The following MAP1A variants were observed in gnomAD, a reference collection of about 807,000 sequenced individuals.
MAP1A encodes microtubule associated protein 1A, also known as microtubule-associated protein 1A.
MAP1A carries 42 observed loss-of-function variants against 185.9 expected under a neutral mutation model. That is an observed-to-expected ratio of 0.23 (90% CI 0.18 to 0.29). The LOEUF is 0.29. MAP1A is among the 10% of genes least tolerant of loss of function. MAP1A has a pLI of 1.00. For missense variants in MAP1A, 2,995 were observed against 3,450.4 expected (o/e 0.87, Z 3.31); for synonymous variants, 1,229 against 1,335.9 (o/e 0.92, Z 1.74).
chr15:43,520,669 G>C lies in MAP1A; in HGVS notation c.-346G>C. The C allele has an allele frequency of 2.6e-6, 4 of 1,549,964 alleles. No homozygotes were observed. The highest frequency in any genetic ancestry group is 3.5e-6 in the Non-Finnish European group (4 of 1,146,302). On this transcript the variant is annotated 5_prime_UTR_variant, in exon 2 of 6. Transcript: ENST00000300231. ...AGAGGACCCTTTGCCACCAGAGTGA[G>C]ATCCTAGAGACCATCATCCTGGTAA...
At position 43,521,066 on chromosome 15, in the gene MAP1A, G is replaced by T. The variant is rs1015730996; in HGVS notation, c.-197G>T. On this transcript the variant is annotated 5_prime_UTR_variant, in exon 3 of 6. Coordinates refer to ENST00000300231, the MANE Select transcript of MAP1A (RefSeq NM_002373.6). This position sits in a 1 kb window ranked among gnomAD's most constrained non-coding sequence, Gnocchi z 4.6. ...GGGGGAGACCTCATCCTACAGAGTG[G>T]CACCTACTCATATGAAAACTTTGCC... is the stretch of plus-strand genomic sequence containing the variant. 3 of 1,550,038 alleles carry T rather than the reference G, an allele frequency of 1.9e-6. No homozygotes were observed. Among genetic ancestry groups the T allele is most frequent in the Non-Finnish European group, 2.6e-6 (3 of 1,146,974 alleles).
intron 1 of MAP1A, among the ~76,000 whole-genome samples, chr15:43,511,828 C>T (rs899784149): frequency 6.6e-6 from 1 of 152,222 alleles, no homozygotes; most frequent in African/African-American, 2.4e-5. Flanking sequence ...TAGAATCCTA[C>T]TTAGCTGTAA....
Position 43,529,325 on chromosome 15 carries a change from C to A in MAP1A, c.7852C>A (p.Pro2618Thr), listed in dbSNP as rs1566979641. The change falls in exon 4 of 6, where the codon CCT becomes ACT. Residue 2618 changes from proline to threonine, a missense_variant. Coordinates refer to ENST00000300231, the MANE Select transcript of MAP1A (RefSeq NM_002373.6). This position sits in a 1 kb window ranked among gnomAD's most constrained non-coding sequence, Gnocchi z 4.3. ...RAPGKAKPAS[P>T]ARRLDLRGKR... ...CCCAGGCAAGGCCAAGCCAGCGTCCCCTGCACGGCGTCTGGATCTTCGGGG... is the reference window on the plus strand; with the variant it reads ...CCCAGGCAAGGCCAAGCCAGCGTCCACTGCACGGCGTCTGGATCTTCGGGG... 1 of 1,614,006 alleles carries A rather than the reference C, an allele frequency of 6.2e-7. No homozygotes were observed. Among genetic ancestry groups the A allele is most frequent in the Admixed American group, 1.7e-5 (1 of 60,024 alleles).
upstream of MAP1A, among the ~76,000 whole-genome samples, chr15:43,517,189 A>T (rs2079300613): frequency 6.6e-6 from 1 of 152,006 alleles, no homozygotes; most frequent in South Asian, 2.1e-4. Flanking sequence ...TTGGGCCCCC[A>T]GCCTTTGTCT....
rs776917674 is a variant in MAP1A, at chr15:43,528,267, C to T, written c.6794C>T (p.Thr2265Met). Residue 2265 changes from threonine to methionine, a missense_variant, in exon 4 of 6, where the codon ACG becomes ATG. Around this residue, in one of 3 missense-constraint regions of MAP1A, gnomAD observed 2,728 missense variants for 2,986.0 expected, o/e 0.91. Coordinates refer to ENST00000300231, the MANE Select transcript of MAP1A (RefSeq NM_002373.6). The part of the protein sequence containing the change: ...LSEGSSSEAT[T>M]PVISSVAERF... ...GAGGGCTCCTCCTCTGAGGCTACCA[C>T]GCCTGTGATTTCAAGTGTGGCGGAG... 1.6e-5 allele frequency: 26 copies of T among 1,613,964 alleles called. No individual in the cohort carries two copies. The highest frequency in any genetic ancestry group is 3.3e-5 in the South Asian group (3 of 91,090).
Position 43,528,846 on chromosome 15 carries a change from C to T in MAP1A, c.7373C>T (p.Pro2458Leu). ...LSPSFLNPPL[P>L]PSIDDRDLST... The stretch of plus-strand genomic sequence containing the variant: ...CCATCCTTCCTGAACCCACCTCTGC[C>T]CCCATCCATAGATGATAGGGACCTC... Residue 2458 changes from proline (P) to leucine (L), a missense_variant, in exon 4 of 6, where the codon CCC (proline) becomes CTC (leucine). Physicochemically the swap from Pro to Leu is moderately conservative, Grantham distance 98. Coordinates refer to ENST00000300231, the MANE Select transcript of MAP1A (RefSeq NM_002373.6). 1 of 1,613,490 alleles carries T rather than the reference C, an allele frequency of 6.2e-7. No homozygotes were observed. The highest frequency in any genetic ancestry group is 1.1e-5 in the South Asian group (1 of 91,060).
rs1212837776 is a variant in MAP1A, at chr15:43,524,833, A to G, written c.3360A>G (p.Gly1120=). 1.9e-6 allele frequency: 3 copies of G among 1,614,098 alleles called. No individual in the cohort carries two copies. In the South Asian group the frequency reaches 3.3e-5, roughly 18 times the overall value. The change falls in exon 4 of 6, where the codon GGA becomes GGG. Residue 1120 remains glycine (G), a synonymous_variant. Transcript: ENST00000300231. The stretch of plus-strand genomic sequence containing the variant: ...TTCTGGGAGCAGAAGCCCTTCCCGG[A>G]GGTTTGAGGACTTTACCCCAAGAAC... ...GPILGAEALP[G]GLRTLPQEPG...
intron 1 of MAP1A, among the ~76,000 whole-genome samples, chr15:43,518,783 A>G (rs1000634323): frequency 2.0e-5 from 3 of 150,802 alleles, no homozygotes; most frequent in Admixed American, 2.0e-4. Flanking sequence ...CTAAAGAAAA[A>G]GGAAAAAACG....
chr15:43,511,398 A>C (rs1433723200), intron 1 of MAP1A, among the ~76,000 whole-genome samples: 1 of 152,052 alleles, frequency 6.6e-6, no homozygotes, highest in Non-Finnish European at 1.5e-5. Flanking sequence ...CTCTCGCTCT[A>C]CTAACATCTC....
At chr15:43,512,941 G>T (rs1248844384), upstream of MAP1A, among the ~76,000 whole-genome samples, 1 of 152,196 alleles carries the variant, frequency 6.6e-6, no homozygotes, top group Non-Finnish European at 1.5e-5. Flanking sequence ...TGGGAGGAAT[G>T]GGTGGGTTAG....
rs1025934222 is a variant in MAP1A, at chr15:43,523,168, G to A, written c.1695G>A (p.Glu565=). 12 of 1,614,028 alleles carry A rather than the reference G, an allele frequency of 7.4e-6. No homozygotes were observed. Among genetic ancestry groups the A allele is most frequent in the Non-Finnish European group, 1.0e-5 (12 of 1,180,030 alleles). The change falls in exon 4 of 6, where the codon GAG becomes GAA. Residue 565 remains glutamate (E), a synonymous_variant. Transcript: ENST00000300231. Reference sequence around the variant, plus strand: ...AGCCATTCCCTCTAGACACTGCAGAGGAGGGACCCCCAAGTACAGCTATCC... The same window carrying A: ...AGCCATTCCCTCTAGACACTGCAGAAGAGGGACCCCCAAGTACAGCTATCC... ...GDKPFPLDTA[E]EGPPSTAIQG...
At position 43,526,625 on chromosome 15, in the gene MAP1A, C is replaced by T. The variant is rs752187007; in HGVS notation, c.5152C>T (p.Arg1718Cys). ...FPHELDGQGA[R>C]PHYTEEREST... ...TCACGAGCTGGATGGCCAGGGGGCC[C>T]GCCCACACTACACTGAGGAACGGGA... Residue 1718 changes from arginine (R) to cysteine (C), a missense_variant, in exon 4 of 6, where the codon CGC becomes TGC. Coordinates refer to ENST00000300231, the MANE Select transcript of MAP1A (RefSeq NM_002373.6). The surrounding 1 kb of genome is among the most constrained non-coding windows in gnomAD (Gnocchi z 4.7). 1.9e-6 allele frequency: 3 copies of T among 1,614,130 alleles called. No individual in the cohort carries two copies. The highest frequency in any genetic ancestry group is 1.1e-5 in the South Asian group (1 of 91,088).
At position 43,528,976 on chromosome 15, in the gene MAP1A, A is replaced by G; in HGVS notation, c.7503A>G (p.Thr2501=). The part of the protein sequence containing the change: ...PCPVTDETPP[T]SASDSGSSQS... ...CTGTGACTGATGAGACACCCCCTACATCAGCCAGTGACTCAGGCTCCTCAC... is the reference window on the plus strand; with the variant it reads ...CTGTGACTGATGAGACACCCCCTACGTCAGCCAGTGACTCAGGCTCCTCAC... The change falls in exon 4 of 6, where the codon ACA becomes ACG. Residue 2501 remains threonine (T), a synonymous_variant. Transcript: ENST00000300231. The G allele has an allele frequency of 1.2e-6, 2 of 1,613,468 alleles. No homozygotes were observed. Among genetic ancestry groups the G allele is most frequent in the Non-Finnish European group, 1.7e-6 (2 of 1,180,006 alleles).
In MAP1A at chr15:43,521,804, G is replaced by A. The variant is rs2079320246; in HGVS notation, c.331G>A (p.Glu111Lys). ...LLQRKVAELE[E>K]EQSQGSSSYS... is the part of the protein sequence containing the mutation. ...GCAGCGCAAAGTGGCAGAGCTAGAG[G>A]AGGAGCAGTCCCAGGGCTCTAGCAG... Residue 111 changes from glutamate (E) to lysine (K), a missense_variant, in exon 4 of 6, where the codon GAG (glutamate) becomes AAG (lysine). Coordinates refer to ENST00000300231, the MANE Select transcript of MAP1A (RefSeq NM_002373.6). This position sits in a 1 kb window ranked among gnomAD's most constrained non-coding sequence, Gnocchi z 4.6. 1 of 1,614,122 alleles carries A rather than the reference G, an allele frequency of 6.2e-7. No homozygotes were observed. The highest frequency in any genetic ancestry group is 1.3e-5 in the African/African-American group (1 of 74,934).
rs368070887 is a variant in MAP1A, at chr15:43,528,427, A to G, written c.6954A>G (p.Leu2318=). ...CCCCAGCTTCACTGGACTTGGCCCTAGCTCCAGCTCCAAGCCTGCCTGGAG... is the reference window on the plus strand; with the variant it reads ...CCCCAGCTTCACTGGACTTGGCCCTGGCTCCAGCTCCAAGCCTGCCTGGAG... ...PAPPASLDLA[L]APAPSLPGDM... Residue 2318 remains leucine, a synonymous_variant, in exon 4 of 6, where the codon CTA becomes CTG. Transcript: ENST00000300231. The G allele has an allele frequency of 5.0e-6, 8 of 1,613,444 alleles. No homozygotes were observed. The highest frequency in any genetic ancestry group is 1.7e-5 in the Admixed American group (1 of 60,010).
In MAP1A at chr15:43,527,219, A is replaced by G. The variant is rs2079348523; in HGVS notation, c.5746A>G (p.Arg1916Gly). ...GKDYRKAEGE[R>G]EEEGRAEAPD... The stretch of plus-strand genomic sequence containing the variant: ...GGACTACCGCAAGGCTGAAGGGGAA[A>G]GGGAAGAAGAAGGTAGGGCTGAGGC... The change falls in exon 4 of 6, where the codon AGG becomes GGG. Residue 1916 changes from arginine to glycine, a missense_variant. Coordinates refer to ENST00000300231, the MANE Select transcript of MAP1A (RefSeq NM_002373.6). 1 of 1,614,118 alleles carries G rather than the reference A, an allele frequency of 6.2e-7. No homozygotes were observed. Among genetic ancestry groups the G allele is most frequent in the East Asian group, 2.2e-5 (1 of 44,872 alleles).
In MAP1A at chr15:43,521,680, G is replaced by A. The variant is rs1431612399; in HGVS notation, c.207G>A (p.Lys69=). 8.7e-6 allele frequency: 14 copies of A among 1,614,162 alleles called. No individual in the cohort carries two copies. The highest frequency in any genetic ancestry group is 1.2e-5 in the Non-Finnish European group (14 of 1,180,026). The change falls in exon 4 of 6, where the codon AAG becomes AAA. Residue 69 remains lysine, a synonymous_variant. Transcript: ENST00000300231. The surrounding 1 kb of genome is among the most constrained non-coding windows in gnomAD (Gnocchi z 4.6). ...NILVDGGSDR[K]SCFWKLVRHL... Reference sequence around the variant, plus strand: ...TGGTGGATGGTGGCTCTGATCGCAAGTCCTGTTTTTGGAAGCTGGTACGGC... The same window carrying A: ...TGGTGGATGGTGGCTCTGATCGCAAATCCTGTTTTTGGAAGCTGGTACGGC...
Position 43,521,089 on chromosome 15 carries a change from G to A in MAP1A, c.-174G>A. ...TGGCACCTACTCATATGAAAACTTT[G>A]CCCAGGTCCTTCACAACCCCGAGGT... is the stretch of plus-strand genomic sequence containing the variant. On this transcript the variant is annotated 5_prime_UTR_variant, in exon 3 of 6. Coordinates refer to ENST00000300231, the MANE Select transcript of MAP1A (RefSeq NM_002373.6). This position sits in a 1 kb window ranked among gnomAD's most constrained non-coding sequence, Gnocchi z 4.6. The A allele has an allele frequency of 2.6e-6, 4 of 1,548,806 alleles. No homozygotes were observed. Among genetic ancestry groups the A allele is most frequent in the Non-Finnish European group, 3.5e-6 (4 of 1,146,982 alleles).
intron 1 of MAP1A, chr15:43,512,067 A>C (rs1321045920): frequency 1.5e-6 from 1 of 661,994 alleles, no homozygotes; most frequent in African/African-American, 1.8e-5. Context: ...GAGGCTGATC[A>C]TGGCAACTAT....
Sources: gnomAD v4.1 joint callset for allele counts (sites outside exome capture counted in the v4.1 genomes callset) on GRCh38, gnomAD v4.1.1 for gene constraint, gnomAD v4.1.1 regional missense constraint, Gnocchi (gnomAD v3.1) non-coding constraint, MANE v1.5 for transcripts, NCBI Gene and HGNC (gene_info 2026-07-23, HGNC 2026-07-21) for gene names.